Variants in BOC observed in about 807,000 individuals in gnomAD.
BOC encodes BOC cell adhesion associated, oncogene regulated, also known as brother of CDO.
A neutral mutation model predicts 112.0 loss-of-function variants in BOC; 76 were observed. The ratio of observed to expected loss-of-function variants is 0.68; its 90% CI spans 0.56 to 0.82. The LOEUF is 0.82. Among genes scored for constraint, BOC ranks in the 40% least tolerant of loss-of-function variants. The pLI is 0.00. For missense variants in BOC, 1,309 were observed against 1,511.7 expected (o/e 0.87, Z 2.22); for synonymous variants, 580 against 599.8 (o/e 0.97, Z 0.48).
intron 2 of BOC, among the ~76,000 whole-genome samples, chr3:113,221,633 C>T (rs375366188): frequency 1.5e-4 from 23 of 152,160 alleles, no homozygotes; most frequent in East Asian, 3.8e-4. Context: ...ACCTTCTCAC[C>T]GCCCTGTCTT....
Position 113,278,574 on chromosome 3 carries a change from G to C in BOC, c.1706-99G>C. 9.2e-7 allele frequency: 1 copy of C among 1,088,320 alleles called. No homozygotes were observed. The highest frequency in any genetic ancestry group is 1.4e-6 in the Non-Finnish European group (1 of 739,204). 67.4% of individuals were successfully genotyped at this position (1,088,320 alleles called of 1,614,324 possible). A position where few individuals can be genotyped will look rare whatever the true frequency, so the allele number is the denominator to read the frequency against. On this transcript the variant is annotated intron_variant, in intron 10 of 19. Transcript: ENST00000682979. This position sits in a 1 kb window ranked among gnomAD's most constrained non-coding sequence, Gnocchi z 4.2. ...CCCGGATGCTTATTTGCATCACTTT[G>C]TCATGCCGCTTAGCAGAGTCTCAGG...
chr3:113,256,071 T>G (rs1412757678), intron 4 of BOC, among the ~76,000 whole-genome samples: 1 of 152,108 alleles, frequency 6.6e-6, no homozygotes, highest in East Asian at 1.9e-4. Context: ...AATGGGAGAA[T>G]GTATAATATT....
chr3:113,270,595 C>G (rs1576468979), intron 5 of BOC: 1 of 549,626 alleles, frequency 1.8e-6, no homozygotes, highest in East Asian at 3.1e-5. Context: ...GTTACCTTTT[C>G]TCTCTGGCAC....
chr3:113,241,634 G>A (rs779653959), intron 2 of BOC, among the ~76,000 whole-genome samples: 7 of 152,320 alleles, frequency 4.6e-5, no homozygotes, highest in Middle Eastern at 3.4e-3. Flanking sequence ...GAATGAAACC[G>A]GGAAGGGGCA....
chr3:113,221,545 T>C (rs1380048748), intron 2 of BOC, among the ~76,000 whole-genome samples: 1 of 152,250 alleles, frequency 6.6e-6, no homozygotes, highest in African/African-American at 2.4e-5. Context: ...CATCCTTGAC[T>C]ATGTTCTTTC....
chr3:113,230,649 T>C (rs1338235172), intron 2 of BOC, among the ~76,000 whole-genome samples: 1 of 152,226 alleles, frequency 6.6e-6, no homozygotes, highest in African/African-American at 2.4e-5. Flanking sequence ...ATTCAACAAG[T>C]GGTCAAATAA....
chr3:113,279,376 G>A lies in BOC; in HGVS notation c.1944G>A (p.Lys648=), dbSNP rs754357686. The change falls in exon 12 of 20, where the codon AAG becomes AAA. Residue 648 remains lysine (K), a synonymous_variant. Transcript: ENST00000682979. Reference sequence around the variant, plus strand: ...TCCGTGTGGAGTACAAGAAGCTAAAGAAAGTGGGAGACTGGATTCTGGCCA... The same window carrying A: ...TCCGTGTGGAGTACAAGAAGCTAAAAAAAGTGGGAGACTGGATTCTGGCCA... ...QSFRVEYKKL[K]KVGDWILATS... 1.9e-6 allele frequency: 3 copies of A among 1,614,212 alleles called. No individual in the cohort carries two copies.
intron 1 of BOC, among the ~76,000 whole-genome samples, chr3:113,214,259 T>G (rs1419806402): frequency 6.6e-6 from 1 of 152,242 alleles, no homozygotes; most frequent in Non-Finnish European, 1.5e-5. Context: ...GATTTTCCCT[T>G]TTTTTGAAGT....
intron 4 of BOC, among the ~76,000 whole-genome samples, chr3:113,256,417 T>G (rs1390524117): frequency 6.6e-6 from 1 of 152,214 alleles, no homozygotes; most frequent in African/African-American, 2.4e-5. Context: ...ATTGTCAGTG[T>G]AGCCCGCAGA....
rs753078986 is a variant in BOC at position 113,286,906 on chromosome 3, T to TTA, written c.*44_*45insTA. 274 of 1,253,838 alleles carry TTA rather than the reference T, an allele frequency of 2.2e-4. No homozygotes were observed. Among genetic ancestry groups the TTA allele is most frequent in the African/African-American group, 5.3e-4 (33 of 62,796 alleles). 77.7% of individuals were successfully genotyped at this position (1,253,838 alleles called of 1,614,324 possible). On this transcript the variant is annotated 3_prime_UTR_variant, in exon 20 of 20. Transcript: ENST00000682979. ...GAAAGACTATATATTGTTTTTTTTT[T>TTA]AAAAAAAAAAAGAAGAAAAAAGAGA... is the stretch of plus-strand genomic sequence containing the variant.
chr3:113,249,766 CT>C lies in BOC; in HGVS notation c.-35del, dbSNP rs773190451. On this transcript the variant is annotated 5_prime_UTR_variant, in exon 3 of 20. It removes the in-frame stop codon of an upstream open reading frame in the 5' UTR. Transcript: ENST00000682979. ...GTATCTCTTTGTGTGACCCTGGCGG[CT>C]TATGGGACGTTGGCTTCAGACCTTT... 1 of 1,568,968 alleles carries C rather than the reference CT, an allele frequency of 6.4e-7. No individual in the cohort carries two copies. The highest frequency in any genetic ancestry group is 2.3e-5 in the East Asian group (1 of 44,154).
chr3:113,279,486 C>T (rs1244997626), intron 12 of BOC, 31 bp downstream of exon 12: 9 of 1,600,176 alleles, frequency 5.6e-6, no homozygotes, highest in East Asian at 2.2e-5. Flanking sequence ...TGGCCTTGGC[C>T]TGATCCCCCA....
chr3:113,233,298 C>T (rs570308622), intron 2 of BOC, among the ~76,000 whole-genome samples: 2 of 152,044 alleles, frequency 1.3e-5, no homozygotes, highest in Non-Finnish European at 1.5e-5. Context: ...CGGGTCACAG[C>T]ACCTGAGACC....
rs1006995669 is a variant in BOC, at chr3:113,278,520, G to C, written c.1706-153G>C. Among the ~76,000 whole-genome samples the C allele has an allele frequency of 3.9e-5, 6 of 152,004 alleles. No individual in the cohort carries two copies. The highest frequency in any genetic ancestry group is 1.2e-4 in the African/African-American group (5 of 41,384). Reference sequence around the variant, plus strand: ...ATAGTACCACAACAGAACCAGTCTCGGCCGAGGCTGAGCCCACACCCTCAG... The same window carrying C: ...ATAGTACCACAACAGAACCAGTCTCCGCCGAGGCTGAGCCCACACCCTCAG... On this transcript the variant is annotated intron_variant, in intron 10 of 19. Coordinates refer to ENST00000682979, the MANE Select transcript of BOC (RefSeq NM_001378074.1). This position sits in a 1 kb window ranked among gnomAD's most constrained non-coding sequence, Gnocchi z 4.2.
At chr3:113,286,308 G>A (rs1001059670) in intron 19 of BOC, among the ~76,000 whole-genome samples, 5 of 152,188 alleles carry the variant, frequency 3.3e-5, no homozygotes, top group African/African-American at 1.2e-4. Context: ...GGACTGGATT[G>A]TGAGTGGGAT....
chr3:113,275,489 T>A (rs868353765), intron 9 of BOC, among the ~76,000 whole-genome samples: 1 of 152,250 alleles, frequency 6.6e-6, no homozygotes, highest in African/African-American at 2.4e-5. Flanking sequence ...GACATGAAAT[T>A]CCCTGTAAGA....
chr3:113,266,571 A>G (rs1167781861), intron 4 of BOC, among the ~76,000 whole-genome samples: 1 of 152,210 alleles, frequency 6.6e-6, no homozygotes. Flanking sequence ...TTCAACTATG[A>G]GTTTCTAGGC....
At position 113,272,750 on chromosome 3, in the gene BOC, C is replaced by A; in HGVS notation, c.961+47C>A. The A allele has an allele frequency of 1.9e-6, 3 of 1,586,948 alleles. No individual in the cohort carries two copies. In the South Asian group the frequency reaches 3.4e-5, roughly 18 times the overall value. On this transcript the variant is annotated intron_variant, in intron 7 of 19. Transcript: ENST00000682979. ...TCTTCTGCTTGGCCTTCTCTCTGGTCTGTGCAGCCTTTCTAGAAATGTAAC... is the reference window on the plus strand; with the variant it reads ...TCTTCTGCTTGGCCTTCTCTCTGGTATGTGCAGCCTTTCTAGAAATGTAAC...
chr3:113,226,575 A>G (rs1941694897), intron 2 of BOC, among the ~76,000 whole-genome samples: 2 of 152,268 alleles, frequency 1.3e-5, no homozygotes, highest in Admixed American at 1.3e-4. Context: ...TGGAATCTTA[A>G]GCAGGCAGAA....
Sources: gnomAD v4.1 joint callset for allele counts (sites outside exome capture counted in the v4.1 genomes callset) on GRCh38, gnomAD v4.1.1 for gene constraint, Gnocchi (gnomAD v3.1) non-coding constraint, MANE v1.5 for transcripts, NCBI Gene and HGNC (gene_info 2026-07-23, HGNC 2026-07-21) for gene names.